The following COL25A1 variants were observed in gnomAD, a reference collection of about 807,000 sequenced individuals.
COL25A1 encodes collagen alpha-1(XXV) chain.
A neutral mutation model predicts 128.4 loss-of-function variants in COL25A1; 103 were observed. The observed-to-expected ratio is 0.80, with a 90% CI of 0.68 to 0.94. The LOEUF is 0.94. Ranked by LOEUF, COL25A1 falls within the 40% of genes least tolerant of loss-of-function variation. COL25A1 has a pLI of 0.00. For synonymous variants in COL25A1, 279 were observed against 277.2 expected (o/e 1.01, Z -0.06); for missense variants, 745 against 840.0 (o/e 0.89, Z 1.40).
At chr4:109,147,068 G>T (rs2126095227) in intron 3 of COL25A1, among the ~76,000 whole-genome samples, 1 of 152,328 alleles carries the variant, frequency 6.6e-6, no homozygotes, top group Middle Eastern at 3.4e-3. Context: ...TTTGGCAAGA[G>T]AAGGGGTAAA....
chr4:109,000,743 C>CAAAAA (rs1180104512), intron 6 of COL25A1, among the ~76,000 whole-genome samples: 19 of 36,404 alleles, frequency 5.2e-4, no homozygotes, highest in African/African-American at 1.0e-3. Flanking sequence ...GAGACTCTGT[C>CAAAAA]AAAAAAAAAA....
intron 32 of COL25A1, among the ~76,000 whole-genome samples, chr4:108,829,870 T>C (rs1489810245): frequency 6.6e-6 from 1 of 152,168 alleles, no homozygotes; most frequent in African/African-American, 2.4e-5. Flanking sequence ...GGAAGGTTCC[T>C]CTCTGCTCAG....
Position 109,055,770 on chromosome 4 carries a change from C to T in COL25A1, c.368-5591G>A, listed in dbSNP as rs74455626. Among the ~76,000 whole-genome samples the T allele has an allele frequency of 7.3e-3, 1,106 of 152,300 alleles. 9 individuals are homozygous for T. Among genetic ancestry groups the T allele is most frequent in the African/African-American group, 0.025 (1,032 of 41,560 alleles). ...TCGGAAAACTTTAAAGGGGCACTGT[C>T]TATGAGCTATTTGATGCACACCAAC... On this transcript the variant is annotated intron_variant, in intron 3 of 37. Transcript: ENST00000399132.
At chr4:108,927,901 A>G (rs1746258016) in intron 11 of COL25A1, among the ~76,000 whole-genome samples, 1 of 152,176 alleles carries the variant, frequency 6.6e-6, no homozygotes, top group Admixed American at 6.6e-5. Context: ...CCATAGATTA[A>G]AGATAAATCT....
intron 3 of COL25A1, among the ~76,000 whole-genome samples, chr4:109,298,831 T>C (rs1478554167): frequency 6.6e-6 from 1 of 152,112 alleles, no homozygotes; most frequent in African/African-American, 2.4e-5. Context: ...AATGTGGAGC[T>C]CTGGTGGTGG....
chr4:108,887,057 C>T (rs1740919705), intron 18 of COL25A1, among the ~76,000 whole-genome samples: 1 of 152,152 alleles, frequency 6.6e-6, no homozygotes, highest in Non-Finnish European at 1.5e-5. Flanking sequence ...CACACTCACT[C>T]TACAAGCACA....
At chr4:108,850,395 C>T (rs1415514372) in intron 26 of COL25A1, among the ~76,000 whole-genome samples, 2 of 150,154 alleles carry the variant, frequency 1.3e-5, no homozygotes, top group Non-Finnish European at 3.0e-5. Context: ...CCAACCTTCT[C>T]AAGGACAGAC....
At chr4:108,905,191 C>T (rs1320139831) in intron 13 of COL25A1, among the ~76,000 whole-genome samples, 22 of 152,062 alleles carry the variant, frequency 1.4e-4, no homozygotes, top group Admixed American at 1.4e-3. Context: ...AGATTCTAAA[C>T]CTGTGTTGTC....
At chr4:109,206,258 A>C (rs1776987802) in intron 3 of COL25A1, among the ~76,000 whole-genome samples, 1 of 152,142 alleles carries the variant, frequency 6.6e-6, no homozygotes, top group Non-Finnish European at 1.5e-5. Context: ...ACTTTTATCT[A>C]TTCAGAGAGA....
At chr4:109,213,356 T>G (rs1170340892) in intron 3 of COL25A1, among the ~76,000 whole-genome samples, 1 of 152,140 alleles carries the variant, frequency 6.6e-6, no homozygotes, top group Non-Finnish European at 1.5e-5. Flanking sequence ...TCCTTAAATC[T>G]TAGTGGGCTC....
chr4:109,005,675 ACG>A (rs1486790930), intron 6 of COL25A1, among the ~76,000 whole-genome samples: 1 of 152,194 alleles, frequency 6.6e-6, no homozygotes, highest in African/African-American at 2.4e-5. Context: ...TCTGAATGAC[ACG>A]GTCATGACTC....
intron 3 of COL25A1, among the ~76,000 whole-genome samples, chr4:109,186,968 A>G (rs1037425561): frequency 2.6e-5 from 4 of 152,226 alleles, no homozygotes; most frequent in Non-Finnish European, 4.4e-5. Flanking sequence ...GAGAAAATAA[A>G]TAACGAGCTA....
At position 108,920,611 on chromosome 4, in the gene COL25A1, A is replaced by T; in HGVS notation, c.709-7T>A. On this transcript the variant is annotated splice_polypyrimidine_tract_variant and splice_region_variant and intron_variant, in intron 11 of 37. Coordinates refer to ENST00000399132, the MANE Select transcript of COL25A1 (RefSeq NM_198721.4). ...CCGGAGGCCCTAGAGGACCCTAAAAAAGAAAAACGATTCAATTAACATACT... is the reference window on the plus strand; with the variant it reads ...CCGGAGGCCCTAGAGGACCCTAAAATAGAAAAACGATTCAATTAACATACT... 7 of 1,600,842 alleles carry T rather than the reference A, an allele frequency of 4.4e-6. No homozygotes were observed. Among genetic ancestry groups the T allele is most frequent in the Non-Finnish European group, 6.0e-6 (7 of 1,171,030 alleles).
intron 5 of COL25A1, among the ~76,000 whole-genome samples, chr4:109,044,735 T>G (rs945611531): frequency 6.6e-6 from 1 of 152,098 alleles, no homozygotes; most frequent in Non-Finnish European, 1.5e-5. Context: ...ATATTTAGAG[T>G]GCAGAATGGA....
chr4:109,127,968 A>T (rs1768792424), intron 3 of COL25A1, among the ~76,000 whole-genome samples: 1 of 149,952 alleles, frequency 6.7e-6, no homozygotes, highest in Non-Finnish European at 1.5e-5. Flanking sequence ...ATTGAGGCAG[A>T]GCAGGGACGC....
chr4:109,054,921 T>C (rs1761323280), intron 3 of COL25A1, among the ~76,000 whole-genome samples: 1 of 152,148 alleles, frequency 6.6e-6, no homozygotes, highest in Non-Finnish European at 1.5e-5. Context: ...CAGCTGCAGC[T>C]GGCTCTTGGG....
intron 3 of COL25A1, among the ~76,000 whole-genome samples, chr4:109,075,273 G>A (rs1194813625): frequency 1.3e-5 from 2 of 152,064 alleles, no homozygotes; most frequent in Non-Finnish European, 2.9e-5. Context: ...CAAGTGATAT[G>A]TAGGCACTTT....
At chr4:109,097,662 A>ATTTTTTT (rs780098779) in intron 3 of COL25A1, among the ~76,000 whole-genome samples, 1 of 124,648 alleles carries the variant, frequency 8.0e-6, no homozygotes, top group African/African-American at 3.1e-5. Context: ...GTAAACATCA[A>ATTTTTTT]TTTTTTTTTT....
rs1408246686 is a variant in COL25A1 at position 108,937,817 on chromosome 4, T to A, written c.699A>T (p.Gln233His). The change falls in exon 11 of 38, where the codon CAA becomes CAT. Residue 233 changes from glutamine (Q) to histidine (H), a missense_variant. Gln to His is a conservative substitution (Grantham distance 24). Coordinates refer to ENST00000399132, the MANE Select transcript of COL25A1 (RefSeq NM_198721.4). ...VPGEPGKPGE[Q>H]GLMGPLGPPG... ...AAACTGAGATACTTGCCATCAAGCC[T>A]TGTTCTCCTGGCTTTCCTGGTTCAC... 6.2e-7 allele frequency: 1 copy of A among 1,608,132 alleles called. No individual in the cohort carries two copies. Among genetic ancestry groups the A allele is most frequent in the Non-Finnish European group, 8.5e-7 (1 of 1,177,526 alleles).
Sources: allele counts gnomAD v4.1 joint callset (sites outside exome capture counted in the v4.1 genomes callset), GRCh38; gene constraint gnomAD v4.1.1; transcripts MANE v1.5; gene names NCBI Gene and HGNC (gene_info 2026-07-23, HGNC 2026-07-21).